EIF4H: variants seen among roughly 807,000 people sequenced by gnomAD.
EIF4H encodes eukaryotic translation initiation factor 4H.
EIF4H carries 8 observed loss-of-function variants against 30.6 expected under a neutral mutation model. That is an observed-to-expected ratio of 0.26 (90% confidence interval 0.15 to 0.47). EIF4H has a LOEUF of 0.47. Among genes scored for constraint, EIF4H ranks in the 20% least tolerant of loss-of-function variants. EIF4H has a pLI of 0.99. For missense variants in EIF4H, 188 were observed against 339.5 expected (o/e 0.55, Z 3.51); for synonymous variants, 106 against 122.7 (o/e 0.86, Z 0.90).
rs782673092 is a variant in EIF4H, at chr7:74,194,699, C to A, written c.470-42C>A. On this transcript the variant is annotated intron_variant, in intron 5 of 6. Transcript: ENST00000265753. ...CATTATTCTATAAGCAGCTTGGAGA[C>A]GATAGTTTGAAAAGTAATTCAGTGT... 3 of 1,525,740 alleles carry A rather than the reference C, an allele frequency of 2.0e-6. No individual in the cohort carries two copies. The South Asian group carries it at 3.9e-5, about 20-fold the overall frequency. The allele number at this position is 1,525,740 out of a possible 1,614,324, so 94.5% of individuals were successfully genotyped here. A position where few individuals can be genotyped will look rare whatever the true frequency, so the allele number is the denominator to read the frequency against.
intron 1 of EIF4H, chr7:74,183,833 G>A (rs1244514492): frequency 3.3e-5 from 5 of 152,218 alleles, no homozygotes; most frequent in African/African-American, 1.2e-4. Flanking sequence ...TCACACAGTG[G>A]ACACTTTACC....
chr7:74,192,759 T>C (rs113053733), intron 5 of EIF4H, among the ~76,000 whole-genome samples: 9,154 of 142,098 alleles, frequency 0.064, 925 homozygotes, highest in African/African-American at 0.22. Flanking sequence ...TTCACTGCAA[T>C]CTCCGCCTCC....
rs1472105979 is a variant in EIF4H, at chr7:74,192,674, TTTTTTTC to T, written c.470-2060_470-2054del. On this transcript the variant is annotated intron_variant, in intron 5 of 6. Coordinates refer to ENST00000265753, the MANE Select transcript of EIF4H (RefSeq NM_022170.2). Reference sequence around the variant, plus strand: ...CTAACATTGCTTTATGTGACTTTTTTTTTTTTCTTTTTTTTTTTTTTGAGACAGAGGC... The same window carrying T: ...CTAACATTGCTTTATGTGACTTTTTTTTTTTTTTTTTTTTGAGACAGAGGC... 7.2e-4 allele frequency among the ~76,000 whole-genome samples: 49 copies of T among 68,004 alleles called. 1 individual carries two copies. In the East Asian group the frequency reaches 0.013, roughly 18 times the overall value. 44.6% of individuals were successfully genotyped at this position (68,004 alleles called of 152,430 possible). A position where few individuals can be genotyped will look rare whatever the true frequency, so the allele number is the denominator to read the frequency against.
chr7:74,179,249 A>G (rs1554708091), intron 1 of EIF4H, among the ~76,000 whole-genome samples: 1 of 152,230 alleles, frequency 6.6e-6, no homozygotes, highest in Non-Finnish European at 1.5e-5. Context: ...ATTCTATACC[A>G]AAACTCAATA....
chr7:74,185,530 G>A (rs554725103), intron 1 of EIF4H, among the ~76,000 whole-genome samples: 1 of 151,920 alleles, frequency 6.6e-6, no homozygotes, highest in South Asian at 2.1e-4. Context: ...ACTTCCTATT[G>A]GAAAGTACCG....
At position 74,195,513 on chromosome 7, in the gene EIF4H, T is replaced by C. The variant is rs1195058778; in HGVS notation, c.*205T>C. The C allele has an allele frequency of 1.3e-5, 6 of 458,578 alleles. No individual in the cohort carries two copies. The highest frequency in any genetic ancestry group is 2.3e-5 in the Non-Finnish European group (6 of 261,650). The allele number at this position is 458,578 out of a possible 1,614,324, so 28.4% of individuals were successfully genotyped here. A position where few individuals can be genotyped will look rare whatever the true frequency, so the allele number is the denominator to read the frequency against. ...TTTGCTGTATCTATCTAGTGCCTGT[T>C]TGTGCGTTTTTTTCTTTCTTCCGCT... On this transcript the variant is annotated 3_prime_UTR_variant, in exon 7 of 7. Transcript: ENST00000265753.
intron 1 of EIF4H, chr7:74,184,043 C>CGG (rs1801026963): frequency 6.6e-6 from 1 of 152,168 alleles, no homozygotes; most frequent in African/African-American, 2.4e-5. Context: ...TTGTGAGGCA[C>CGG]GAGTGAGTTG....
intron 1 of EIF4H, among the ~76,000 whole-genome samples, chr7:74,179,851 T>A (rs1313832668): frequency 6.6e-6 from 1 of 152,190 alleles, no homozygotes; most frequent in Non-Finnish European, 1.5e-5. Flanking sequence ...CTGTCAGGCT[T>A]ATGTTGATGG....
intron 5 of EIF4H, among the ~76,000 whole-genome samples, chr7:74,192,898 G>A (rs936774456): frequency 1.3e-5 from 2 of 151,624 alleles, no homozygotes; most frequent in African/African-American, 2.4e-5. Flanking sequence ...GGCTGGTCTC[G>A]AACTCCCAGC....
intron 5 of EIF4H, chr7:74,191,247 A>T (rs781811807): frequency 3.7e-6 from 2 of 534,240 alleles, no homozygotes; most frequent in Non-Finnish European, 7.7e-6. Context: ...TGGTGAAGTC[A>T]ATCTGTAATT....
chr7:74,194,543 G>T (rs1001750621), intron 5 of EIF4H, among the ~76,000 whole-genome samples, 198 bp from the exon 6 acceptor site: 2 of 152,156 alleles, frequency 1.3e-5, no homozygotes, highest in Non-Finnish European at 2.9e-5. Context: ...TTTTCTTTGG[G>T]AAGTCTGTTA....
In EIF4H at chr7:74,194,925, A is replaced by T; in HGVS notation, c.607+47A>T. On this transcript the variant is annotated intron_variant, in intron 6 of 6. Transcript: ENST00000265753. ...GAGGGCATCTTGTCCTGATGGGATGATCATGGCCGGTTCACACCCCGTGGG... is the reference window on the plus strand; with the variant it reads ...GAGGGCATCTTGTCCTGATGGGATGTTCATGGCCGGTTCACACCCCGTGGG... 2.6e-6 allele frequency: 4 copies of T among 1,558,134 alleles called. No homozygotes were observed. In the South Asian group the frequency reaches 4.7e-5, roughly 18 times the overall value.
At chr7:74,187,820 T>G (rs782185515) in intron 2 of EIF4H, 22 bp downstream of exon 2, 1 of 1,564,836 alleles carries the variant, frequency 6.4e-7, no homozygotes, top group Non-Finnish European at 8.7e-7. Flanking sequence ...GGATTCTTAT[T>G]GTATATTACT....
chr7:74,176,921 G>A (rs1427280756), intron 1 of EIF4H, among the ~76,000 whole-genome samples: 3 of 152,184 alleles, frequency 2.0e-5, no homozygotes, highest in Non-Finnish European at 4.4e-5. Flanking sequence ...TCTACCATTG[G>A]CAGTAAAGTG....
chr7:74,192,758 A>C (rs1051169146), intron 5 of EIF4H, among the ~76,000 whole-genome samples: 1 of 143,352 alleles, frequency 7.0e-6, no homozygotes, highest in African/African-American at 2.6e-5. Flanking sequence ...GTTCACTGCA[A>C]TCTCCGCCTC....
intron 1 of EIF4H, among the ~76,000 whole-genome samples, chr7:74,186,725 C>A (rs1801087324): frequency 7.0e-6 from 1 of 143,508 alleles, no homozygotes; most frequent in Non-Finnish European, 1.5e-5. Flanking sequence ...TCAGTACTTG[C>A]TGTGTGACAT....
At position 74,181,120 on chromosome 7, in the gene EIF4H, C is replaced by T. The variant is rs564724989; in HGVS notation, c.60-6491C>T. On this transcript the variant is annotated intron_variant, in intron 1 of 6. Coordinates refer to ENST00000265753, the MANE Select transcript of EIF4H (RefSeq NM_022170.2). ...CATTGCCACTATCTAGTTCCAGAAC[C>T]TTTTCATAATCCAAACAGAAACTCT... Among the ~76,000 whole-genome samples the T allele has an allele frequency of 3.3e-5, 5 of 152,172 alleles. No homozygotes were observed. In the East Asian group the frequency reaches 9.7e-4, roughly 29 times the overall value.
At chr7:74,189,644 G>A in intron 2 of EIF4H, 29 bp from the exon 3 acceptor site, 1 of 1,611,350 alleles carries the variant, frequency 6.2e-7, no homozygotes, top group Non-Finnish European at 8.5e-7. Context: ...AATTACTTGA[G>A]GAAATCGGGG....
intron 2 of EIF4H, 122 bp downstream of exon 2, chr7:74,187,920 G>C (rs1452755666): frequency 1.7e-6 from 2 of 1,207,778 alleles, no homozygotes; most frequent in Non-Finnish European, 2.2e-6. Flanking sequence ...TTAAACATTT[G>C]CCTGGTCTAA....
Sources: gnomAD v4.1 joint callset for allele counts (sites outside exome capture counted in the v4.1 genomes callset) on GRCh38, gnomAD v4.1.1 for gene constraint, MANE v1.5 for transcripts, NCBI Gene and HGNC (gene_info 2026-07-23, HGNC 2026-07-21) for gene names.